Variants in PPARGC1A observed in about 807,000 individuals in gnomAD.
PPARGC1A encodes PPARG coactivator 1 alpha, also known as peroxisome proliferator-activated receptor gamma coactivator 1-alpha.
A neutral mutation model predicts 88.7 loss-of-function variants in PPARGC1A; 25 were observed. The ratio of observed to expected loss-of-function variants is 0.28; its 90% CI spans 0.21 to 0.39. The LOEUF is 0.39. Among genes scored for constraint, PPARGC1A ranks in the 10% least tolerant of loss-of-function variants. The pLI, the probability that PPARGC1A is intolerant of heterozygous loss-of-function variation, is 1.00. For synonymous variants in PPARGC1A, 363 were observed against 355.6 expected (o/e 1.02, Z -0.24); for missense variants, 880 against 968.7 (o/e 0.91, Z 1.22).
the PPARGC1A span, among the ~76,000 whole-genome samples, chr4:24,364,078 G>A: frequency 1.3e-5 from 2 of 152,018 alleles, no homozygotes; most frequent in Non-Finnish European, 2.9e-5. Context: ...ACCCAAATAA[G>A]TCCACCCATT....
intron 2 of PPARGC1A, among the ~76,000 whole-genome samples, chr4:23,864,099 C>T (rs1382944913): frequency 6.6e-6 from 1 of 152,180 alleles, no homozygotes; most frequent in African/African-American, 2.4e-5. Flanking sequence ...CCTCTTCACT[C>T]ATAGGTTTCA....
the PPARGC1A span, among the ~76,000 whole-genome samples, chr4:24,143,040 G>T: frequency 6.6e-6 from 1 of 152,112 alleles, no homozygotes; most frequent in South Asian, 2.1e-4. Flanking sequence ...AAGCAAGTAA[G>T]GACATTATCA....
the PPARGC1A span, among the ~76,000 whole-genome samples, chr4:24,170,895 C>G: frequency 6.6e-6 from 1 of 152,198 alleles, no homozygotes; most frequent in African/African-American, 2.4e-5. Flanking sequence ...CATCCCCTTT[C>G]TCTGACATCA....
At chr4:24,182,088 C>T in the PPARGC1A span, among the ~76,000 whole-genome samples, 2 of 151,940 alleles carry the variant, frequency 1.3e-5, no homozygotes, top group African/African-American at 4.8e-5. Context: ...CCTATCATCC[C>T]GTCATATAGG....
chr4:23,978,918 A>G, the PPARGC1A span, among the ~76,000 whole-genome samples: 3 of 152,220 alleles, frequency 2.0e-5, no homozygotes, highest in Non-Finnish European at 2.9e-5. Flanking sequence ...GAGACAAAGA[A>G]GTAATCCAAA....
At chr4:24,025,343 C>T in the PPARGC1A span, among the ~76,000 whole-genome samples, 6 of 152,118 alleles carry the variant, frequency 3.9e-5, no homozygotes, top group Non-Finnish European at 8.8e-5. Context: ...CACTTGAATA[C>T]ACACCATCAT....
upstream of PPARGC1A, among the ~76,000 whole-genome samples, chr4:23,905,110 G>T (rs772221818): frequency 6.6e-6 from 1 of 152,094 alleles, no homozygotes; most frequent in Non-Finnish European, 1.5e-5. Flanking sequence ...ATTTTGGAAA[G>T]CCCCACTCCC....
At chr4:23,946,287 C>G in the PPARGC1A span, among the ~76,000 whole-genome samples, 3 of 152,266 alleles carry the variant, frequency 2.0e-5, no homozygotes, top group Non-Finnish European at 4.4e-5. Flanking sequence ...GATATCTCTT[C>G]GTCAGGCCCA....
the PPARGC1A span, among the ~76,000 whole-genome samples, chr4:24,054,481 T>G: frequency 6.6e-6 from 1 of 152,310 alleles, no homozygotes; most frequent in East Asian, 1.9e-4. Flanking sequence ...CCATTTAGGG[T>G]TTTAAATACT....
At chr4:24,218,407 A>C in the PPARGC1A span, among the ~76,000 whole-genome samples, 2 of 152,228 alleles carry the variant, frequency 1.3e-5, no homozygotes, top group South Asian at 2.1e-4. Flanking sequence ...CATCCACACA[A>C]GTTTCTTCAC....
At chr4:24,254,919 A>G in the PPARGC1A span, among the ~76,000 whole-genome samples, 1 of 152,152 alleles carries the variant, frequency 6.6e-6, no homozygotes, top group Admixed American at 6.5e-5. Context: ...TTTTTCAGGG[A>G]TTATGGAAAT....
chr4:24,280,918 T>C, the PPARGC1A span, among the ~76,000 whole-genome samples: 1 of 152,224 alleles, frequency 6.6e-6, no homozygotes, highest in Non-Finnish European at 1.5e-5. Context: ...CAGTCCATGT[T>C]CTCTTGGGTA....
chr4:24,031,933 G>T, the PPARGC1A span, among the ~76,000 whole-genome samples: 15 of 152,172 alleles, frequency 9.9e-5, no homozygotes, highest in African/African-American at 3.4e-4. Flanking sequence ...AGCCCAGAGA[G>T]GGGGAACTGG....
At chr4:24,004,514 CCACT>C in the PPARGC1A span, among the ~76,000 whole-genome samples, 2 of 152,172 alleles carry the variant, frequency 1.3e-5, no homozygotes, top group Admixed American at 1.3e-4. Flanking sequence ...CTGCCAATCT[CCACT>C]CAGTTTCAGT....
chr4:23,962,471 C>T, the PPARGC1A span, among the ~76,000 whole-genome samples: 528 of 152,226 alleles, frequency 3.5e-3, no homozygotes, highest in Middle Eastern at 6.8e-3. Flanking sequence ...AGATACCACT[C>T]GAGTCTACCA....
At chr4:24,366,923 C>T in the PPARGC1A span, among the ~76,000 whole-genome samples, 1 of 152,126 alleles carries the variant, frequency 6.6e-6, no homozygotes, top group Non-Finnish European at 1.5e-5. Context: ...AGATTCCTTC[C>T]AGGGACATTT....
At chr4:23,818,389 C>T (rs1370836391) in intron 7 of PPARGC1A, among the ~76,000 whole-genome samples, 4 of 152,068 alleles carry the variant, frequency 2.6e-5, no homozygotes, top group African/African-American at 7.2e-5. Context: ...TTTTTATTGC[C>T]GCCTATTTTC....
chr4:23,994,942 TGAA>T, the PPARGC1A span, among the ~76,000 whole-genome samples: 4 of 152,150 alleles, frequency 2.6e-5, no homozygotes, highest in African/African-American at 7.2e-5. Flanking sequence ...ACTCACTGCA[TGAA>T]GAAGGATTGC....
intron 2 of PPARGC1A, among the ~76,000 whole-genome samples, chr4:23,854,827 A>T (rs532269455): frequency 6.6e-6 from 1 of 152,264 alleles, no homozygotes; most frequent in South Asian, 2.1e-4. Context: ...ATGAGAAGCT[A>T]TAAAGAAAAA....
Sources: gnomAD v4.1 joint callset for allele counts (sites outside exome capture counted in the v4.1 genomes callset) on GRCh38, gnomAD v4.1.1 for gene constraint, MANE v1.5 for transcripts, NCBI Gene and HGNC (gene_info 2026-07-23, HGNC 2026-07-21) for gene names.